Variants in MDGA1 observed in about 807,000 individuals in gnomAD.
MDGA1 encodes the protein MAM domain-containing glycosylphosphatidylinositol anchor protein 1.
Under a neutral mutation model 101.5 loss-of-function variants are expected in MDGA1, and 54 were observed. The ratio of observed to expected loss-of-function variants is 0.53; its 90% CI spans 0.43 to 0.67. MDGA1 has a LOEUF of 0.67. Among genes scored for constraint, MDGA1 ranks in the 30% least tolerant of loss-of-function variants. The pLI is 0.00. For missense variants in MDGA1, 1,083 were observed against 1,323.8 expected (o/e 0.82, Z 2.82); for synonymous variants, 533 against 558.3 (o/e 0.95, Z 0.64).
intron 1 of MDGA1, among the ~76,000 whole-genome samples, chr6:37,680,998 C>T (rs1013267578): frequency 7.6e-4 from 44 of 58,182 alleles, no homozygotes; most frequent in Admixed American, 6.0e-3. Context: ...CCTCCTCAGC[C>T]CCCCCCCCCC....
chr6:37,650,829 CTAAG>C (rs1761344085), intron 7 of MDGA1, among the ~76,000 whole-genome samples: 1 of 152,198 alleles, frequency 6.6e-6, no homozygotes, highest in Non-Finnish European at 1.5e-5. Context: ...CCCTTTCGTC[CTAAG>C]TAATAGGATA....
intron 1 of MDGA1, among the ~76,000 whole-genome samples, chr6:37,693,794 AGGAG>A (rs936999311): frequency 6.6e-5 from 10 of 152,332 alleles, no homozygotes; most frequent in African/African-American, 1.4e-4. Flanking sequence ...TTGGGAGGCG[AGGAG>A]GGAGGGAGAA....
chr6:37,691,505 G>GA (rs1393532027), intron 1 of MDGA1, among the ~76,000 whole-genome samples: 8 of 152,116 alleles, frequency 5.3e-5, no homozygotes, highest in African/African-American at 1.7e-4. Context: ...AAGGATCCCT[G>GA]AAAAAACCAT....
chr6:37,651,975 C>A (rs950754643), intron 7 of MDGA1, 36 bp downstream of exon 7: 6 of 1,498,030 alleles, frequency 4.0e-6, no homozygotes, highest in South Asian at 1.3e-5. Flanking sequence ...CTCTCCACCC[C>A]CCTCACATTT....
rs35308269 is a variant in MDGA1 at position 37,642,147 on chromosome 6, G to GTATATATATATA, written c.2536+1650_2536+1661dup. 3.1e-3 allele frequency among the ~76,000 whole-genome samples: 426 copies of GTATATATATATA among 135,364 alleles called. 2 individuals are homozygous for GTATATATATATA. The highest frequency in any genetic ancestry group is 6.4e-3 in the South Asian group (28 of 4,392). 88.8% of individuals were successfully genotyped at this position (135,364 alleles called of 152,430 possible). ...ATGGGAGGAAATAGATTATATATAT[G>GTATATATATATA]TATATATATATATATATGTACTGGT... is the stretch of plus-strand genomic sequence containing the variant. On this transcript the variant is annotated intron_variant, in intron 14 of 16. Transcript: ENST00000434837.
intron 1 of MDGA1, among the ~76,000 whole-genome samples, chr6:37,681,489 G>A (rs1433705736): frequency 2.6e-5 from 4 of 152,166 alleles, no homozygotes; most frequent in Non-Finnish European, 5.9e-5. Context: ...AGATAAAGGT[G>A]GACCCAGAGA....
intron 6 of MDGA1, 46 bp downstream of exon 6, chr6:37,654,228 T>G: frequency 6.7e-7 from 1 of 1,503,470 alleles, no homozygotes; most frequent in Non-Finnish European, 8.9e-7. Context: ...ACCAGGGACC[T>G]TGTCTGCCTC....
chr6:37,646,511 C>T (rs773677193), intron 10 of MDGA1, 136 bp from the exon 11 acceptor site: 6 of 627,710 alleles, frequency 9.6e-6, no homozygotes, highest in Non-Finnish European at 1.5e-5. Flanking sequence ...CAGCAACACA[C>T]TGAAACATTA....
intron 2 of MDGA1, 102 bp downstream of exon 2, chr6:37,663,865 G>A (rs1290563821): frequency 6.2e-6 from 8 of 1,295,004 alleles, no homozygotes; most frequent in Admixed American, 2.1e-5. Context: ...TCCATGCTGC[G>A]GTGCATCGTG....
intron 14 of MDGA1, chr6:37,639,133 A>T (rs1039410124): frequency 8.0e-5 from 14 of 174,334 alleles, no homozygotes; most frequent in Non-Finnish European, 1.4e-4. Context: ...TGGCAAGAGG[A>T]GTATGTTGGG....
At chr6:37,650,501 G>A in intron 7 of MDGA1, 96 bp from the exon 8 acceptor site, 3 of 1,286,900 alleles carry the variant, frequency 2.3e-6, no homozygotes, top group Non-Finnish European at 3.1e-6. Context: ...CCCGCTAGGG[G>A]CAAGCCTCTC....
Position 37,696,780 on chromosome 6 carries a change from A to G in MDGA1, c.32T>C (p.Leu11Pro). 1.3e-6 allele frequency: 2 copies of G among 1,583,536 alleles called. No homozygotes were observed. The highest frequency in any genetic ancestry group is 1.7e-6 in the Non-Finnish European group (2 of 1,164,274). Residue 11 changes from leucine to proline, a missense_variant, in exon 1 of 17, where the codon CTG (leucine) becomes CCG (proline). Around this residue, in one of 3 missense-constraint regions of MDGA1, gnomAD observed 310 missense variants for 355.9 expected, o/e 0.87. Transcript: ENST00000434837. The surrounding 1 kb of genome is among the most constrained non-coding windows in gnomAD (Gnocchi z 5.6). ...TTGTCCCCGGCAGTGGAAGGGGATC[A>G]GCGCCAGAAGTAGAAGGCAGGTCAC... Reference protein sequence around the residue: MEVTCLLLLALIPFHCRGQGV... With the variant: MEVTCLLLLAPIPFHCRGQGV...
intron 14 of MDGA1, among the ~76,000 whole-genome samples, chr6:37,642,375 T>C (rs142051146): frequency 1.6e-4 from 25 of 152,188 alleles, no homozygotes; most frequent in Non-Finnish European, 2.9e-4. Context: ...TTTCGCCATG[T>C]TAGCCAGGCT....
intron 1 of MDGA1, among the ~76,000 whole-genome samples, chr6:37,694,647 A>T (rs1198729963): frequency 7.0e-6 from 1 of 142,468 alleles, no homozygotes; most frequent in Non-Finnish European, 1.5e-5. Context: ...ATCACAAGGA[A>T]CTCAGCGACC....
At chr6:37,691,834 T>C (rs1762314082) in intron 1 of MDGA1, among the ~76,000 whole-genome samples, 1 of 152,192 alleles carries the variant, frequency 6.6e-6, no homozygotes, top group Non-Finnish European at 1.5e-5. Context: ...AGAGGGGCCA[T>C]GCGCCAGGTT....
chr6:37,658,504 C>G, intron 2 of MDGA1, 85 bp from the exon 3 acceptor site: 2 of 1,362,226 alleles, frequency 1.5e-6, no homozygotes, highest in Non-Finnish European at 2.0e-6. Flanking sequence ...AACGGCACCC[C>G]CTTTCTCCCA....
intron 1 of MDGA1, among the ~76,000 whole-genome samples, chr6:37,684,222 G>A (rs1007104880): frequency 1.3e-5 from 2 of 152,216 alleles, no homozygotes; most frequent in African/African-American, 4.8e-5. Flanking sequence ...TAGGCAGTGT[G>A]ACAAGATGTT....
intron 2 of MDGA1, among the ~76,000 whole-genome samples, chr6:37,659,853 C>A (rs543972953): frequency 1.3e-5 from 2 of 152,026 alleles, no homozygotes; most frequent in African/African-American, 4.8e-5. Context: ...TCAGAGAGTT[C>A]TTTGGAGAGA....
At chr6:37,644,107 A>AC (rs766711845) in intron 13 of MDGA1, among the ~76,000 whole-genome samples, 164 bp from the exon 14 acceptor site, 22 of 29,344 alleles carry the variant, frequency 7.5e-4, no homozygotes, top group East Asian at 2.0e-3. Context: ...ATCCTGCCTC[A>AC]CCCCACGCAT....
Sources: gnomAD v4.1 joint callset for allele counts (sites outside exome capture counted in the v4.1 genomes callset) on GRCh38, gnomAD v4.1.1 for gene constraint, gnomAD v4.1.1 regional missense constraint, Gnocchi (gnomAD v3.1) non-coding constraint, MANE v1.5 for transcripts, NCBI Gene and HGNC (gene_info 2026-07-23, HGNC 2026-07-21) for gene names.